The following DPP10 variants were observed in gnomAD, a reference collection of about 807,000 sequenced individuals.
DPP10 encodes the protein inactive dipeptidyl peptidase 10.
In DPP10, 33 loss-of-function variants were observed where a neutral mutation model predicts 120.9. That is an observed-to-expected ratio of 0.27 (90% confidence interval 0.21 to 0.37). The LOEUF (loss-of-function observed/expected upper bound fraction) is 0.37. Among genes scored for constraint, DPP10 ranks in the 10% least tolerant of loss-of-function variants. DPP10 has a pLI of 1.00. For synonymous variants in DPP10, 337 were observed against 326.1 expected (o/e 1.03, Z -0.36); for missense variants, 816 against 942.8 (o/e 0.87, Z 1.76).
intron 5 of DPP10, among the ~76,000 whole-genome samples, chr2:115,557,629 C>T (rs2080299123): frequency 6.6e-6 from 1 of 152,146 alleles, no homozygotes; most frequent in African/African-American, 2.4e-5. Flanking sequence ...GATTTGTGGG[C>T]ATATTGTGGA....
intron 2 of DPP10, among the ~76,000 whole-genome samples, chr2:115,339,180 A>G (rs2063316400): frequency 6.6e-6 from 1 of 152,226 alleles, no homozygotes; most frequent in African/African-American, 2.4e-5. Flanking sequence ...ACTGAAGACT[A>G]TATGGGAATC....
chr2:115,797,781 T>G (rs1684707269), intron 19 of DPP10, among the ~76,000 whole-genome samples: 1 of 151,986 alleles, frequency 6.6e-6, no homozygotes, highest in African/African-American at 2.4e-5. Flanking sequence ...AATGTCAGCA[T>G]TAACTTCTTA....
chr2:115,739,997 AG>A (rs1174770373), intron 9 of DPP10, 104 bp downstream of exon 9: 9 of 1,316,126 alleles, frequency 6.8e-6, no homozygotes, highest in Non-Finnish European at 9.6e-6. Context: ...GGAGGAAAAC[AG>A]AAGTTTTCCT....
intron 5 of DPP10, among the ~76,000 whole-genome samples, chr2:115,631,705 A>G (rs1372715454): frequency 1.3e-5 from 2 of 152,082 alleles, no homozygotes; most frequent in Non-Finnish European, 2.9e-5. Context: ...TTCAATTTTC[A>G]TGTAGTTGTG....
chr2:114,867,496 G>A (rs867271486), intron 1 of DPP10, among the ~76,000 whole-genome samples: 12 of 151,914 alleles, frequency 7.9e-5, no homozygotes, highest in Non-Finnish European at 1.3e-4. Context: ...CAATTATGTC[G>A]CTACAAGTTT....
chr2:114,937,144 C>A (rs1378798835), intron 1 of DPP10, among the ~76,000 whole-genome samples: 1 of 151,944 alleles, frequency 6.6e-6, no homozygotes, highest in African/African-American at 2.4e-5. Context: ...CTTTTGGGTT[C>A]CTGGTCATGA....
At chr2:115,808,598 C>A (rs1686290791) in intron 19 of DPP10, among the ~76,000 whole-genome samples, 2 of 152,184 alleles carry the variant, frequency 1.3e-5, no homozygotes, top group African/African-American at 4.8e-5. Context: ...AAATTAAAAG[C>A]AAACGTAGGC....
At chr2:114,552,955 C>T (rs969980903) in intron 1 of DPP10, among the ~76,000 whole-genome samples, 1 of 152,146 alleles carries the variant, frequency 6.6e-6, no homozygotes, top group African/African-American at 2.4e-5. Context: ...TGTTTATCAC[C>T]TTTCCTTTAA....
intron 22 of DPP10, 112 bp from the exon 23 acceptor site, chr2:115,836,395 C>A: frequency 7.0e-7 from 1 of 1,433,018 alleles, no homozygotes; most frequent in Non-Finnish European, 9.6e-7. Context: ...CTCCTTGATT[C>A]AGCTGATTTT....
At chr2:115,433,522 C>T (rs1182945447) in intron 3 of DPP10, among the ~76,000 whole-genome samples, 1 of 151,966 alleles carries the variant, frequency 6.6e-6, no homozygotes. Flanking sequence ...ATTCTGTTCT[C>T]ATGATGTAAT....
chr2:115,584,543 C>A (rs1159588140), intron 5 of DPP10, among the ~76,000 whole-genome samples: 1 of 152,226 alleles, frequency 6.6e-6, no homozygotes, highest in Admixed American at 6.5e-5. Context: ...TACTGTCTGT[C>A]TCTTCACAGA....
intron 1 of DPP10, among the ~76,000 whole-genome samples, chr2:115,029,209 T>TAAATTAATATTAAATTAATTTAAA (rs1703674889): frequency 6.6e-6 from 1 of 152,062 alleles, no homozygotes; most frequent in Admixed American, 6.6e-5. Context: ...TTGTTGCTTT[T>TAAATTAATATTAAATTAATTTAAA]TATTTTAAAT....
At chr2:114,662,335 C>T (rs1311821758) in intron 1 of DPP10, among the ~76,000 whole-genome samples, 1 of 152,180 alleles carries the variant, frequency 6.6e-6, no homozygotes, top group Non-Finnish European at 1.5e-5. Context: ...CCTGCGGGGG[C>T]GCGGGCACCG....
chr2:114,823,757 G>T (rs1558777954), intron 1 of DPP10, among the ~76,000 whole-genome samples: 1 of 152,302 alleles, frequency 6.6e-6, no homozygotes, highest in South Asian at 2.1e-4. Flanking sequence ...GGACTACCCA[G>T]TAGGAGCTAC....
intron 3 of DPP10, among the ~76,000 whole-genome samples, chr2:115,360,817 G>A (rs1304539751): frequency 1.3e-5 from 2 of 152,186 alleles, no homozygotes; most frequent in African/African-American, 2.4e-5. Flanking sequence ...GAGGGTTGTG[G>A]GGTATGTCTG....
chr2:115,246,872 G>A (rs967918231), intron 1 of DPP10, among the ~76,000 whole-genome samples: 1 of 152,064 alleles, frequency 6.6e-6, no homozygotes, highest in Non-Finnish European at 1.5e-5. Context: ...ACGTGGCTTC[G>A]AAGTCCTTCC....
intron 3 of DPP10, among the ~76,000 whole-genome samples, chr2:115,368,648 G>C (rs1182491104): frequency 6.6e-6 from 1 of 151,924 alleles, no homozygotes; most frequent in Non-Finnish European, 1.5e-5. Flanking sequence ...CTAGATTAAA[G>C]TGTGGCAATT....
intron 1 of DPP10, among the ~76,000 whole-genome samples, chr2:115,063,868 G>T (rs1402062892): frequency 1.3e-5 from 2 of 152,120 alleles, no homozygotes; most frequent in African/African-American, 2.4e-5. Context: ...AAAATTTCAT[G>T]TTGATGCTGT....
At chr2:114,664,918 G>C (rs113314171) in intron 1 of DPP10, among the ~76,000 whole-genome samples, 3,349 of 117,660 alleles carry the variant, frequency 0.028, 254 homozygotes, top group African/African-American at 0.16. Flanking sequence ...AAAGATGGCA[G>C]AGAGCATCCA....
Sources: allele counts gnomAD v4.1 joint callset (sites outside exome capture counted in the v4.1 genomes callset), GRCh38; gene constraint gnomAD v4.1.1; transcripts MANE v1.5; gene names NCBI Gene and HGNC (gene_info 2026-07-23, HGNC 2026-07-21).